Variants in FANK1 observed in about 807,000 individuals in gnomAD.
FANK1 encodes the protein fibronectin type 3 and ankyrin repeat domains protein 1.
A neutral mutation model predicts 45.3 loss-of-function variants in FANK1; 44 were observed. The ratio of observed to expected loss-of-function variants is 0.97; its 90% CI spans 0.76 to 1.25. FANK1 has a LOEUF of 1.25. FANK1 is among the 50% of genes most tolerant of loss of function. FANK1 has a pLI of 0.00. For synonymous variants in FANK1, 149 were observed against 152.5 expected (o/e 0.98, Z 0.17); for missense variants, 391 against 424.4 (o/e 0.92, Z 0.69).
Position 126,005,001 on chromosome 10 carries a change from T to C in FANK1, c.657T>C (p.Asp219=). Residue 219 remains aspartate (D), a synonymous_variant, in exon 7 of 11, where the codon GAT becomes GAC. Coordinates refer to ENST00000368693, the MANE Select transcript of FANK1 (RefSeq NM_145235.5). Reference sequence around the variant, plus strand: ...GTACAGCTCTGCACTGGGCTGCAGATGGAGGCCACTGCAGTGTGATTGAGT... The same window carrying C: ...GTACAGCTCTGCACTGGGCTGCAGACGGAGGCCACTGCAGTGTGATTGAGT... ...GGCTALHWAA[D]GGHCSVIEWM... 6.2e-7 allele frequency: 1 copy of C among 1,614,116 alleles called. No individual in the cohort carries two copies. Among genetic ancestry groups the C allele is most frequent in the Non-Finnish European group, 8.5e-7 (1 of 1,180,018 alleles).
chr10:125,959,862 G>A (rs989981674), intron 1 of FANK1, among the ~76,000 whole-genome samples: 1 of 152,034 alleles, frequency 6.6e-6, no homozygotes, highest in Non-Finnish European at 1.5e-5. Flanking sequence ...GATATTCTAG[G>A]TATAGAAACA....
chr10:125,903,024 T>C (rs1406013910), intron 1 of FANK1, among the ~76,000 whole-genome samples: 3 of 152,302 alleles, frequency 2.0e-5, no homozygotes, highest in African/African-American at 7.2e-5. Context: ...GTAAAATTCA[T>C]TGTGATCCTG....
At chr10:126,008,294 AAGAC>A in intron 7 of FANK1, 109 bp from the exon 8 acceptor site, 7 of 1,389,354 alleles carry the variant, frequency 5.0e-6, no homozygotes, top group Non-Finnish European at 5.8e-6. Context: ...CAAATATAGA[AAGAC>A]GGCTATCTAA....
chr10:125,916,897 CTG>C lies in FANK1; in HGVS notation c.13+20244_13+20245del, dbSNP rs1367717201. ...GGCCCTTGGGTGAGAGGTGCCCTCT[CTG>C]TCCCTGGAGGAAGGAACATCCTTCT... On this transcript the variant is annotated intron_variant, in intron 1 of 10. Transcript: ENST00000368693. Among the ~76,000 whole-genome samples the C allele has an allele frequency of 5.9e-5, 9 of 152,332 alleles. No individual in the cohort carries two copies. The South Asian group carries it at 1.9e-3, about 32-fold the overall frequency.
At chr10:126,008,871 T>C (rs3817306) in intron 8 of FANK1, among the ~76,000 whole-genome samples, 183 bp from the exon 9 acceptor site, 96,104 of 152,010 alleles carry the variant, frequency 0.63, 31,061 homozygotes, top group East Asian at 0.77. Flanking sequence ...TTCCATTTTC[T>C]CTGGAGTTGC....
intron 1 of FANK1, among the ~76,000 whole-genome samples, chr10:125,970,123 C>G (rs1950405340): frequency 6.6e-6 from 1 of 152,248 alleles, no homozygotes; most frequent in Non-Finnish European, 1.5e-5. Context: ...ATGGCCCGTT[C>G]TCAATGAGCT....
At chr10:125,999,775 A>G (rs1016607658) in intron 6 of FANK1, among the ~76,000 whole-genome samples, 6 of 152,184 alleles carry the variant, frequency 3.9e-5, no homozygotes, top group African/African-American at 1.4e-4. Context: ...GCATTTAATG[A>G]GTTAATATGA....
At chr10:125,925,731 T>C (rs1296670386) in intron 1 of FANK1, among the ~76,000 whole-genome samples, 1 of 152,228 alleles carries the variant, frequency 6.6e-6, no homozygotes, top group African/African-American at 2.4e-5. Context: ...TTTAAAATCA[T>C]TCAATATCTT....
chr10:126,001,859 C>G (rs999731956), intron 6 of FANK1, among the ~76,000 whole-genome samples: 1 of 152,018 alleles, frequency 6.6e-6, no homozygotes, highest in South Asian at 2.1e-4. Flanking sequence ...TTAAAATAAT[C>G]CAGGATTATT....
chr10:125,940,882 T>A (rs1948412688), intron 1 of FANK1, among the ~76,000 whole-genome samples: 1 of 152,252 alleles, frequency 6.6e-6, no homozygotes, highest in Admixed American at 6.5e-5. Flanking sequence ...AGGCACATCC[T>A]GCACAGCCCT....
chr10:125,943,822 A>G (rs1948605871), intron 1 of FANK1, among the ~76,000 whole-genome samples: 1 of 152,246 alleles, frequency 6.6e-6, no homozygotes, highest in South Asian at 2.1e-4. Flanking sequence ...TAAATTCAAG[A>G]AGAACGTGTA....
intron 1 of FANK1, among the ~76,000 whole-genome samples, chr10:125,924,000 C>T (rs973856473): frequency 5.9e-5 from 9 of 152,030 alleles, no homozygotes; most frequent in Admixed American, 3.9e-4. Flanking sequence ...CCTGTAATCC[C>T]AGCACTTTGA....
intron 1 of FANK1, among the ~76,000 whole-genome samples, chr10:125,935,215 C>T (rs976063984): frequency 2.0e-5 from 3 of 152,190 alleles, no homozygotes; most frequent in Non-Finnish European, 4.4e-5. Flanking sequence ...TTCTTCGTGG[C>T]ATCGACAGCA....
At chr10:125,979,406 C>A (rs1270981652) in intron 1 of FANK1, among the ~76,000 whole-genome samples, 1 of 152,130 alleles carries the variant, frequency 6.6e-6, no homozygotes, top group Non-Finnish European at 1.5e-5. Flanking sequence ...GATGGTGAGA[C>A]AGGGATATGT....
intron 1 of FANK1, among the ~76,000 whole-genome samples, chr10:125,956,920 C>A (rs988247936): frequency 2.6e-5 from 4 of 152,234 alleles, no homozygotes; most frequent in Non-Finnish European, 5.9e-5. Flanking sequence ...GCGATCTCAG[C>A]TCACTGCAAC....
chr10:126,009,465 C>T lies in FANK1; in HGVS notation c.*27C>T. ...GAGAGCACCACTCATCTGCGAAACGCACGTAAAACAAAGTGAACCGTGACT... is the reference window on the plus strand; with the variant it reads ...GAGAGCACCACTCATCTGCGAAACGTACGTAAAACAAAGTGAACCGTGACT... On this transcript the variant is annotated 3_prime_UTR_variant, in exon 11 of 11. Transcript: ENST00000368693. 6.2e-7 allele frequency: 1 copy of T among 1,610,204 alleles called. No individual in the cohort carries two copies. The highest frequency in any genetic ancestry group is 8.5e-7 in the Non-Finnish European group (1 of 1,178,724).
At chr10:125,899,232 G>A (rs1944839400) in intron 1 of FANK1, among the ~76,000 whole-genome samples, 1 of 152,158 alleles carries the variant, frequency 6.6e-6, no homozygotes, top group Non-Finnish European at 1.5e-5. Context: ...GGCTAATTTT[G>A]TATTTTTAGT....
chr10:125,942,823 T>TC (rs548726827), intron 1 of FANK1, among the ~76,000 whole-genome samples: 1 of 151,026 alleles, frequency 6.6e-6, no homozygotes, highest in African/African-American at 2.4e-5. Flanking sequence ...CTTTTTTTTT[T>TC]TTTTTTTTGA....
At chr10:125,919,431 C>T (rs1946777032) in intron 1 of FANK1, among the ~76,000 whole-genome samples, 1 of 152,100 alleles carries the variant, frequency 6.6e-6, no homozygotes, top group African/African-American at 2.4e-5. Context: ...GTCTTGAACT[C>T]TCGACCTCAG....
Sources: gnomAD v4.1 joint callset for allele counts (sites outside exome capture counted in the v4.1 genomes callset) on GRCh38, gnomAD v4.1.1 for gene constraint, MANE v1.5 for transcripts, NCBI Gene and HGNC (gene_info 2026-07-23, HGNC 2026-07-21) for gene names.